The following LARP1 variants were observed in gnomAD, a reference collection of about 807,000 sequenced individuals.
LARP1 encodes la-related protein 1.
Under a neutral mutation model 122.7 loss-of-function variants are expected in LARP1, and 36 were observed. The observed-to-expected ratio is 0.29, with a 90% CI of 0.22 to 0.39. LARP1 has a LOEUF of 0.39. Among genes scored for constraint, LARP1 ranks in the 10% least tolerant of loss-of-function variants. The pLI, the probability that LARP1 is intolerant of heterozygous loss-of-function variation, is 1.00. For synonymous variants in LARP1, 539 were observed against 528.7 expected (o/e 1.02, Z -0.27); for missense variants, 1,040 against 1,403.6 (o/e 0.74, Z 4.14).
chr5:154,729,742 CAAAG>C (rs1454297679), intron 1 of LARP1: 1 of 218,792 alleles, frequency 4.6e-6, no homozygotes, highest in African/African-American at 2.4e-5. Flanking sequence ...AATAGACAAA[CAAAG>C]AAAAAACTTC....
At chr5:154,732,489 A>C (rs953268065) in intron 1 of LARP1, among the ~76,000 whole-genome samples, 5 of 152,232 alleles carry the variant, frequency 3.3e-5, no homozygotes, top group African/African-American at 9.6e-5. Flanking sequence ...GATTCTGAAG[A>C]CACATGCAGC....
chr5:154,700,944 T>C (rs1181190940), intron 1 of LARP1, among the ~76,000 whole-genome samples: 1 of 151,894 alleles, frequency 6.6e-6, no homozygotes, highest in Non-Finnish European at 1.5e-5. Flanking sequence ...CCAGCCTGGG[T>C]GTCAGAGAGA....
At chr5:154,770,648 T>G (rs1244794165) in intron 1 of LARP1, among the ~76,000 whole-genome samples, 1 of 152,174 alleles carries the variant, frequency 6.6e-6, no homozygotes, top group Admixed American at 6.5e-5. Context: ...TTTTTCTTCC[T>G]GACTTCTTGT....
intron 1 of LARP1, among the ~76,000 whole-genome samples, chr5:154,776,180 G>GTGAGC (rs1314967890): frequency 1.3e-5 from 2 of 152,184 alleles, no homozygotes; most frequent in Non-Finnish European, 2.9e-5. Flanking sequence ...AGAGCATTGG[G>GTGAGC]TGAGCAAACA....
chr5:154,795,122 A>G (rs1757643921), intron 7 of LARP1, 53 bp from the exon 8 acceptor site: 9 of 1,577,532 alleles, frequency 5.7e-6, no homozygotes, highest in Non-Finnish European at 7.8e-6. Context: ...AGGCATACTC[A>G]TAAAACTGAT....
At position 154,693,652 on chromosome 5, in the gene LARP1, A is replaced by G. The variant is rs556016602; in HGVS notation, c.-180+10615A>G. Among the ~76,000 whole-genome samples the G allele has an allele frequency of 7.2e-5, 11 of 152,164 alleles. No homozygotes were observed. The South Asian group carries it at 2.3e-3, about 32-fold the overall frequency. ...GGGCGGATCACGAGGTCAGGAGATC[A>G]AGACCATCCTGGCTAACACAATGAA... On this transcript the variant is annotated intron_variant, in intron 1 of 18. Transcript: ENST00000687700.
intron 1 of LARP1, among the ~76,000 whole-genome samples, chr5:154,789,218 A>AGT (rs1331621712): frequency 1.2e-5 from 1 of 80,094 alleles, no homozygotes; most frequent in Admixed American, 1.3e-4. Context: ...CTCAAAACAA[A>AGT]CTTTTTTTTT....
rs190800909 is a variant in LARP1 at position 154,716,770 on chromosome 5, G to T, written c.205+3640G>T. ...AGCTGATGGCAACATTTTAAAATGA[G>T]ATCATTTGGCCAGGCACAGCAGCTC... On this transcript the variant is annotated intron_variant, in intron 1 of 18. Transcript: ENST00000336314. Among the ~76,000 whole-genome samples the T allele has an allele frequency of 2.2e-3, 331 of 151,362 alleles. 2 individuals are homozygous for T. Among genetic ancestry groups the T allele is most frequent in the African/African-American group, 7.5e-3 (308 of 41,316 alleles).
intron 1 of LARP1, among the ~76,000 whole-genome samples, chr5:154,763,772 A>T (rs1754675416): frequency 1.3e-5 from 2 of 151,748 alleles, no homozygotes. Flanking sequence ...GTGGGAGGCC[A>T]AGGTGGGCAG....
At chr5:154,720,177 C>T (rs1055469284) in intron 1 of LARP1, among the ~76,000 whole-genome samples, 1 of 149,828 alleles carries the variant, frequency 6.7e-6, no homozygotes, top group Non-Finnish European at 1.5e-5. Flanking sequence ...GGCAACAGAG[C>T]GAGACTCTGT....
chr5:154,689,185 G>A (rs1421377857), intron 1 of LARP1, among the ~76,000 whole-genome samples: 2 of 151,912 alleles, frequency 1.3e-5, no homozygotes, highest in African/African-American at 4.9e-5. Flanking sequence ...TGGGTGCGGT[G>A]GCTCACGCCT....
At chr5:154,704,747 G>A (rs973917909) in intron 1 of LARP1, among the ~76,000 whole-genome samples, 33 of 150,004 alleles carry the variant, frequency 2.2e-4, no homozygotes, top group African/African-American at 7.1e-4. Flanking sequence ...CTATGCATTC[G>A]AAAAAAGAGC....
At chr5:154,795,424 CTT>C in intron 8 of LARP1, 105 bp downstream of exon 8, 1 of 1,179,324 alleles carries the variant, frequency 8.5e-7, no homozygotes, top group Non-Finnish European at 1.2e-6. Flanking sequence ...CATCTGATGA[CTT>C]CTGCTGAAGT....
chr5:154,787,279 A>T (rs898553606), intron 1 of LARP1, among the ~76,000 whole-genome samples: 2 of 152,190 alleles, frequency 1.3e-5, no homozygotes, highest in Admixed American at 1.3e-4. Flanking sequence ...GAAGGAGGAG[A>T]ATTATCCCCT....
intron 1 of LARP1, among the ~76,000 whole-genome samples, chr5:154,726,833 A>G (rs930657302): frequency 1.3e-5 from 2 of 152,234 alleles, no homozygotes; most frequent in Non-Finnish European, 2.9e-5. Flanking sequence ...TCATGGCAGA[A>G]GTCACCTCCG....
intron 15 of LARP1, among the ~76,000 whole-genome samples, chr5:154,806,596 T>C (rs962207667): frequency 2.6e-5 from 4 of 152,252 alleles, no homozygotes; most frequent in African/African-American, 4.8e-5. Flanking sequence ...CTCTAGATGA[T>C]AGTGTAAGGA....
chr5:154,736,526 C>G (rs1314166009), intron 1 of LARP1, among the ~76,000 whole-genome samples: 1 of 144,848 alleles, frequency 6.9e-6, no homozygotes, highest in East Asian at 2.0e-4. Context: ...CCACACCCTG[C>G]CTGGCCTATT....
chr5:154,729,590 T>C, intron 1 of LARP1: 1 of 426,956 alleles, frequency 2.3e-6, no homozygotes, highest in Non-Finnish European at 4.6e-6. Context: ...GAAAGGTACC[T>C]GGGTTCAGAT....
At chr5:154,748,658 C>T (rs1188927731) in intron 1 of LARP1, among the ~76,000 whole-genome samples, 1 of 152,204 alleles carries the variant, frequency 6.6e-6, no homozygotes, top group African/African-American at 2.4e-5. Flanking sequence ...TATTACTTAG[C>T]ATATACTCTG....
Sources: allele counts gnomAD v4.1 joint callset (sites outside exome capture counted in the v4.1 genomes callset), GRCh38; gene constraint gnomAD v4.1.1; transcripts MANE v1.5; gene names NCBI Gene and HGNC (gene_info 2026-07-23, HGNC 2026-07-21).